The following GLIS3 variants were observed in gnomAD, a reference collection of about 807,000 sequenced individuals.
GLIS3 encodes the protein zinc finger protein GLIS3.
Under a neutral mutation model 78.6 loss-of-function variants are expected in GLIS3, and 53 were observed. The ratio of observed to expected loss-of-function variants is 0.67; its 90% CI spans 0.54 to 0.85. The LOEUF (loss-of-function observed/expected upper bound fraction) is 0.85. GLIS3 is among the 40% of genes least tolerant of loss of function. The pLI is 0.00. For missense variants in GLIS3, 1,703 were observed against 1,231.1 expected, an observed-to-expected ratio of 1.38 and a Z score of -5.74; for synonymous variants, 684 against 509.9, an observed-to-expected ratio of 1.34 and a Z score of -4.60.
At chr9:4,293,575 A>G (rs988156841) in intron 1 of GLIS3, among the ~76,000 whole-genome samples, 7 of 152,262 alleles carry the variant, frequency 4.6e-5, no homozygotes, top group African/African-American at 1.7e-4. Context: ...TCATGCTGAA[A>G]AGGTTGGGAA....
intron 4 of GLIS3, among the ~76,000 whole-genome samples, chr9:4,100,683 G>A (rs914097728): frequency 6.6e-6 from 1 of 152,082 alleles, no homozygotes; most frequent in African/African-American, 2.4e-5. Context: ...GTTTCTACAA[G>A]TAGTAGTATA....
At chr9:4,078,634 G>T (rs896917763) in intron 4 of GLIS3, among the ~76,000 whole-genome samples, 1 of 152,174 alleles carries the variant, frequency 6.6e-6, no homozygotes, top group East Asian at 1.9e-4. Context: ...AAGCGGTGGA[G>T]AAACCATTAT....
chr9:4,398,195 T>A, the GLIS3 span, among the ~76,000 whole-genome samples: 5 of 150,466 alleles, frequency 3.3e-5, no homozygotes, highest in Admixed American at 1.3e-4. Context: ...CCCAATGGAA[T>A]CCTCACAAAA....
intron 2 of GLIS3, among the ~76,000 whole-genome samples, chr9:4,198,647 T>C (rs1819086402): frequency 6.6e-6 from 1 of 151,684 alleles, no homozygotes; most frequent in Admixed American, 6.6e-5. Flanking sequence ...TTTGAGAAAA[T>C]AATTCAAGAA....
In GLIS3 at chr9:3,989,861, T is replaced by TACAC. The variant is rs149272300; in HGVS notation, c.1711-52676_1711-52673dup. On this transcript the variant is annotated intron_variant, in intron 4 of 10. Coordinates refer to ENST00000381971, the MANE Select transcript of GLIS3 (RefSeq NM_001042413.2). ...CACTAGCAACACATTGTATAGAACT[T>TACAC]ACACACACACACACACACAAAGAGT... Among the ~76,000 whole-genome samples the TACAC allele has an allele frequency of 4.0e-4, 60 of 150,918 alleles. 1 individual carries two copies. The South Asian group carries it at 5.9e-3, about 15-fold the overall frequency.
At chr9:4,339,652 A>G (rs904235846) in intron 2 of GLIS3, among the ~76,000 whole-genome samples, 1 of 148,918 alleles carries the variant, frequency 6.7e-6, no homozygotes, top group South Asian at 2.2e-4. Flanking sequence ...TCATTGAGCA[A>G]AGTTTCCCAA....
intron 2 of GLIS3, among the ~76,000 whole-genome samples, chr9:4,143,241 T>TTGTGTG (rs140580360): frequency 2.0e-5 from 3 of 150,448 alleles, no homozygotes; most frequent in Non-Finnish European, 4.4e-5. Flanking sequence ...ACGTGTGTAT[T>TTGTGTG]TGTGTGTGTG....
chr9:3,963,332 T>C (rs1320949493), intron 4 of GLIS3, among the ~76,000 whole-genome samples: 2 of 152,220 alleles, frequency 1.3e-5, no homozygotes, highest in Non-Finnish European at 2.9e-5. Flanking sequence ...TCTGGAGCTC[T>C]GAACAAAACT....
the GLIS3 span, among the ~76,000 whole-genome samples, chr9:4,460,084 T>C: frequency 2.0e-5 from 3 of 152,074 alleles, no homozygotes; most frequent in South Asian, 4.2e-4. Context: ...TTAACTTGGT[T>C]CAGGTCAGGT....
chr9:4,186,518 A>G (rs1254238736), intron 2 of GLIS3, among the ~76,000 whole-genome samples: 1 of 151,768 alleles, frequency 6.6e-6, no homozygotes, highest in African/African-American at 2.4e-5. Context: ...ATACCCACTA[A>G]TGGGATGGCT....
chr9:4,272,601 A>G (rs1563874388), intron 2 of GLIS3, among the ~76,000 whole-genome samples: 1 of 152,234 alleles, frequency 6.6e-6, no homozygotes, highest in Non-Finnish European at 1.5e-5. Context: ...GCATAGTTCT[A>G]GAATATATAA....
At chr9:4,473,064 A>G in the GLIS3 span, among the ~76,000 whole-genome samples, 1 of 152,206 alleles carries the variant, frequency 6.6e-6, no homozygotes, top group East Asian at 1.9e-4. Context: ...GAACTAATTT[A>G]CACTCCACCA....
At chr9:3,988,313 A>T (rs890069181) in intron 4 of GLIS3, among the ~76,000 whole-genome samples, 5 of 152,236 alleles carry the variant, frequency 3.3e-5, no homozygotes, top group African/African-American at 1.2e-4. Flanking sequence ...ATGATAAAAG[A>T]AGGAATCCTG....
upstream of GLIS3, among the ~76,000 whole-genome samples, chr9:4,300,371 C>T (rs1343170012): frequency 6.6e-6 from 1 of 151,708 alleles, no homozygotes; most frequent in Non-Finnish European, 1.5e-5. Context: ...AGTGTTTAGA[C>T]AGGATTTGAT....
chr9:3,831,857 A>G (rs1818062662), intron 9 of GLIS3, among the ~76,000 whole-genome samples: 1 of 152,262 alleles, frequency 6.6e-6, no homozygotes, highest in Non-Finnish European at 1.5e-5. Flanking sequence ...TTCAAAAAGC[A>G]TGATACAAAA....
intron 4 of GLIS3, among the ~76,000 whole-genome samples, chr9:4,076,572 A>C (rs963440855): frequency 2.6e-5 from 4 of 152,214 alleles, no homozygotes; most frequent in Non-Finnish European, 4.4e-5. Context: ...AAAAAAGAAC[A>C]TTGACCATTA....
intron 8 of GLIS3, among the ~76,000 whole-genome samples, chr9:3,878,248 A>G (rs1329282387): frequency 2.0e-5 from 3 of 151,510 alleles, no homozygotes; most frequent in Non-Finnish European, 4.4e-5. Flanking sequence ...TGGGATCTCT[A>G]TTACATCATT....
intron 2 of GLIS3, among the ~76,000 whole-genome samples, chr9:4,175,172 A>T (rs758604693): frequency 7.2e-5 from 11 of 152,216 alleles, no homozygotes; most frequent in Non-Finnish European, 1.5e-4. Context: ...ACTGGACCTG[A>T]GAATTCCTCC....
intron 4 of GLIS3, among the ~76,000 whole-genome samples, chr9:4,089,217 A>G (rs542347428): frequency 6.6e-6 from 1 of 152,308 alleles, no homozygotes; most frequent in South Asian, 2.1e-4. Context: ...GGATGCACTG[A>G]TCCATTGTAT....
Sources: gnomAD v4.1 joint callset for allele counts (sites outside exome capture counted in the v4.1 genomes callset) on GRCh38, gnomAD v4.1.1 for gene constraint, MANE v1.5 for transcripts, NCBI Gene and HGNC (gene_info 2026-07-23, HGNC 2026-07-21) for gene names.